Variants in ABCD3 observed in about 807,000 individuals in gnomAD.
The protein encoded by ABCD3 is ATP binding cassette subfamily D member 3.
Under a neutral mutation model 105.5 loss-of-function variants are expected in ABCD3, and 41 were observed. That is an observed-to-expected ratio of 0.39 (90% CI 0.30 to 0.50). The LOEUF is 0.50. ABCD3 is among the 20% of genes least tolerant of loss of function. The pLI is 0.84. For missense variants in ABCD3, 622 were observed against 806.3 expected (o/e 0.77, Z 2.77); for synonymous variants, 258 against 269.0 (o/e 0.96, Z 0.40).
chr1:94,449,408 C>T (rs1660487412), intron 1 of ABCD3, among the ~76,000 whole-genome samples: 1 of 152,190 alleles, frequency 6.6e-6, no homozygotes, highest in African/African-American at 2.4e-5. Context: ...CAGTGATTAC[C>T]ATTGCCGTGA....
the ABCD3 span, among the ~76,000 whole-genome samples, chr1:94,392,697 A>AT: frequency 1.6e-4 from 25 of 152,054 alleles, no homozygotes; most frequent in South Asian, 4.8e-3. Flanking sequence ...GAAGAGGACC[A>AT]TTTTTTTTAA....
At chr1:94,498,384 T>C (rs1649927083) in intron 16 of ABCD3, among the ~76,000 whole-genome samples, 1 of 152,030 alleles carries the variant, frequency 6.6e-6, no homozygotes, top group Non-Finnish European at 1.5e-5. Flanking sequence ...AATAATTTTT[T>C]AAGTGAAAAA....
the ABCD3 span, among the ~76,000 whole-genome samples, chr1:94,402,373 A>T: frequency 2.6e-5 from 4 of 152,224 alleles, no homozygotes; most frequent in East Asian, 1.9e-4. Flanking sequence ...TGTGCCCTTT[A>T]TTCAGATTTG....
At chr1:94,452,652 T>A (rs1264146467) in intron 1 of ABCD3, among the ~76,000 whole-genome samples, 1 of 152,202 alleles carries the variant, frequency 6.6e-6, no homozygotes, top group Admixed American at 6.5e-5. Context: ...TTTAAAAAAA[T>A]GTTGGTGTAA....
chr1:94,421,566 G>A (rs988464195), intron 1 of ABCD3, among the ~76,000 whole-genome samples: 21 of 148,912 alleles, frequency 1.4e-4, no homozygotes, highest in African/African-American at 5.4e-4. Context: ...TATAAGATGT[G>A]TGTGTGTGTG....
At chr1:94,418,764 G>C in intron 1 of ABCD3, 176 bp downstream of exon 1, 1 of 663,434 alleles carries the variant, frequency 1.5e-6, no homozygotes, top group Non-Finnish European at 2.6e-6. Flanking sequence ...CCGCCACGAC[G>C]GCGTCGGTCC....
intron 21 of ABCD3, among the ~76,000 whole-genome samples, chr1:94,507,285 C>G (rs936626734): frequency 3.0e-4 from 45 of 152,206 alleles, no homozygotes; most frequent in African/African-American, 1.1e-3. Context: ...ATGATGATTT[C>G]CAATTTCATC....
At chr1:94,455,595 G>A in intron 1 of ABCD3, 1 of 314,064 alleles carries the variant, frequency 3.2e-6, no homozygotes, top group Non-Finnish European at 6.3e-6. Context: ...AAAGTGCTGG[G>A]ATTATAGATG....
intron 6 of ABCD3, 65 bp downstream of exon 6, chr1:94,475,305 A>T: frequency 1.8e-6 from 2 of 1,108,968 alleles, no homozygotes; most frequent in East Asian, 5.2e-5. Flanking sequence ...AAGCTGATCA[A>T]TATAGCAGTT....
chr1:94,508,773 T>G (rs1248189985), intron 21 of ABCD3, among the ~76,000 whole-genome samples: 2 of 152,236 alleles, frequency 1.3e-5, no homozygotes, highest in Admixed American at 6.5e-5. Flanking sequence ...GGGAGTTCAC[T>G]CGTGATTTGG....
chr1:94,407,892 C>T, the ABCD3 span, among the ~76,000 whole-genome samples: 8 of 152,312 alleles, frequency 5.3e-5, no homozygotes, highest in South Asian at 1.2e-3. Flanking sequence ...ACAGGGAATT[C>T]GAATTTCAGA....
intron 4 of ABCD3, among the ~76,000 whole-genome samples, chr1:94,471,637 T>C (rs1383479288): frequency 6.6e-6 from 1 of 152,220 alleles, no homozygotes; most frequent in Non-Finnish European, 1.5e-5. Flanking sequence ...TGAAATTCTT[T>C]AATATTTGGA....
intron 4 of ABCD3, among the ~76,000 whole-genome samples, chr1:94,472,624 C>T (rs1172659031): frequency 6.6e-6 from 1 of 152,096 alleles, no homozygotes. Context: ...TTAAAATGCA[C>T]ATACTATACA....
rs1487261559 is a variant in ABCD3, at chr1:94,487,572, C to G, written c.928C>G (p.Arg310Gly). ...VEHLHNFILF[R>G]FSMGFIDSII... ...ACACCTACATAATTTCATTTTGTTT[C>G]GGTTTTCAATGGGCTTCATTGATAG... is the stretch of plus-strand genomic sequence containing the variant. Residue 310 changes from arginine to glycine, a missense_variant, in exon 11 of 23, where the codon CGG becomes GGG. This residue lies in a region of ABCD3 where 245 missense variants were observed against 356.4 expected (regional missense o/e 0.69). Coordinates refer to ENST00000370214, the MANE Select transcript of ABCD3 (RefSeq NM_002858.4). 2 of 1,613,590 alleles carry G rather than the reference C, an allele frequency of 1.2e-6. No individual in the cohort carries two copies. Among genetic ancestry groups the G allele is most frequent in the Non-Finnish European group, 1.7e-6 (2 of 1,179,824 alleles).
the ABCD3 span, among the ~76,000 whole-genome samples, chr1:94,400,359 G>A: frequency 8.1e-3 from 1,233 of 151,328 alleles, 15 homozygotes; most frequent in African/African-American, 0.027. Context: ...AGCCGAGATC[G>A]CGCCACTGCA....
the ABCD3 span, among the ~76,000 whole-genome samples, chr1:94,397,964 T>A: frequency 6.6e-6 from 1 of 152,210 alleles, no homozygotes; most frequent in Non-Finnish European, 1.5e-5. Flanking sequence ...TTCAAATTTT[T>A]TTATTATTAT....
At chr1:94,420,544 G>A (rs1659219421) in intron 1 of ABCD3, among the ~76,000 whole-genome samples, 1 of 152,174 alleles carries the variant, frequency 6.6e-6, no homozygotes, top group Non-Finnish European at 1.5e-5. Flanking sequence ...ATTGGGATGA[G>A]TGGGGAAAAT....
intron 1 of ABCD3, among the ~76,000 whole-genome samples, chr1:94,453,677 A>G (rs960004105): frequency 1.3e-5 from 2 of 150,832 alleles, no homozygotes; most frequent in African/African-American, 4.9e-5. Context: ...ATTTCTTTAC[A>G]TAGAGTTGAG....
rs112662720 is a variant in ABCD3, at chr1:94,454,156, C to A, written c.111-4451C>A. Among the ~76,000 whole-genome samples the A allele has an allele frequency of 2.6e-5, 4 of 151,664 alleles. No homozygotes were observed. The South Asian group carries it at 6.2e-4, about 24-fold the overall frequency. Reference sequence around the variant, plus strand: ...GAAAGAGGACAGAAACTAATGATAACGAACTCAGAAAACAAGTGAGAATAT... The same window carrying A: ...GAAAGAGGACAGAAACTAATGATAAAGAACTCAGAAAACAAGTGAGAATAT... On this transcript the variant is annotated intron_variant, in intron 1 of 22. Transcript: ENST00000370214.
Sources: gnomAD v4.1 joint callset for allele counts (sites outside exome capture counted in the v4.1 genomes callset) on GRCh38, gnomAD v4.1.1 for gene constraint, gnomAD v4.1.1 regional missense constraint, MANE v1.5 for transcripts, NCBI Gene and HGNC (gene_info 2026-07-23, HGNC 2026-07-21) for gene names.